FAM13A: variants seen among roughly 807,000 people sequenced by gnomAD.
The protein encoded by FAM13A is protein FAM13A.
A neutral mutation model predicts 129.6 loss-of-function variants in FAM13A; 76 were observed. The ratio of observed to expected loss-of-function variants is 0.59; its 90% CI spans 0.49 to 0.71. The LOEUF is 0.71. FAM13A is among the 30% of genes least tolerant of loss of function. The probability of loss-of-function intolerance (pLI) is 0.00; values close to 1 mark genes in which losing one functional copy is unlikely to be tolerated. For missense variants in FAM13A, 1,108 were observed against 1,249.3 expected, an observed-to-expected ratio of 0.89 and a Z score of 1.70; for synonymous variants, 443 against 449.9, an observed-to-expected ratio of 0.98 and a Z score of 0.20.
intron 9 of FAM13A, among the ~76,000 whole-genome samples, chr4:88,790,198 G>A (rs983448311): frequency 2.0e-5 from 3 of 152,078 alleles, no homozygotes; most frequent in African/African-American, 7.2e-5. Flanking sequence ...CTCAGTCAAT[G>A]TAGGTTCAGT....
At chr4:88,907,419 A>G (rs909506513) in intron 5 of FAM13A, among the ~76,000 whole-genome samples, 5 of 152,216 alleles carry the variant, frequency 3.3e-5, no homozygotes, top group African/African-American at 1.2e-4. Flanking sequence ...ACATAATTTT[A>G]GTCTGCATAC....
At chr4:88,951,882 C>G (rs1757006944) in intron 4 of FAM13A, among the ~76,000 whole-genome samples, 1 of 152,178 alleles carries the variant, frequency 6.6e-6, no homozygotes, top group Non-Finnish European at 1.5e-5. Context: ...TCCAACTCAT[C>G]TTATATTTCC....
chr4:88,999,257 A>C (rs903264054), intron 3 of FAM13A, among the ~76,000 whole-genome samples: 2 of 152,192 alleles, frequency 1.3e-5, no homozygotes, highest in Non-Finnish European at 2.9e-5. Flanking sequence ...TTTATTGGGT[A>C]CTGAATGCTT....
intron 6 of FAM13A, among the ~76,000 whole-genome samples, chr4:88,872,499 A>C (rs944901175): frequency 3.3e-5 from 5 of 152,210 alleles, no homozygotes; most frequent in Admixed American, 6.5e-5. Context: ...AGTCTCTGAT[A>C]AAACAGACTT....
chr4:88,805,988 T>C (rs768737464), intron 7 of FAM13A, among the ~76,000 whole-genome samples: 1 of 152,148 alleles, frequency 6.6e-6, no homozygotes, highest in Non-Finnish European at 1.5e-5. Flanking sequence ...ATTTTTAAAA[T>C]GTAACATATA....
chr4:89,032,905 T>C (rs1000024704), intron 1 of FAM13A, among the ~76,000 whole-genome samples: 6 of 152,198 alleles, frequency 3.9e-5, no homozygotes, highest in African/African-American at 9.6e-5. Flanking sequence ...GAGTGGCTTA[T>C]CATAAAGACA....
At chr4:89,021,592 G>C (rs1218951786) in intron 2 of FAM13A, among the ~76,000 whole-genome samples, 1 of 152,156 alleles carries the variant, frequency 6.6e-6, no homozygotes, top group East Asian at 1.9e-4. Flanking sequence ...ACAGGAAAGG[G>C]TCTGTGACAA....
intron 4 of FAM13A, among the ~76,000 whole-genome samples, chr4:88,945,990 G>GTGTGTGTGTGCATATATATATA: frequency 1.6e-5 from 1 of 61,966 alleles, no homozygotes; most frequent in Non-Finnish European, 2.9e-5. Context: ...GTGTGTGTGT[G>GTGTGTGTGTGCATATATATATA]TATATATATA....
chr4:88,823,129 G>A, intron 7 of FAM13A: 2 of 1,510,064 alleles, frequency 1.3e-6, no homozygotes, highest in Non-Finnish European at 1.8e-6. Context: ...TGCACCGCAC[G>A]GCTGGAGAAA....
chr4:88,837,739 A>AGG (rs1735079105), intron 7 of FAM13A, among the ~76,000 whole-genome samples: 2 of 142,114 alleles, frequency 1.4e-5, no homozygotes, highest in African/African-American at 2.7e-5. Context: ...AAAAAAAAAA[A>AGG]GCAAAACAAA....
intron 4 of FAM13A, among the ~76,000 whole-genome samples, chr4:88,988,405 A>T (rs547354381): frequency 3.9e-5 from 6 of 152,338 alleles, no homozygotes; most frequent in African/African-American, 1.4e-4. Context: ...CCATTTTCTT[A>T]GGCATAATAA....
At chr4:88,865,035 C>A (rs1010204182) in intron 6 of FAM13A, among the ~76,000 whole-genome samples, 1 of 151,680 alleles carries the variant, frequency 6.6e-6, no homozygotes, top group African/African-American at 2.4e-5. Context: ...AAAGTATCTG[C>A]GAAAAAATGT....
chr4:88,992,512 G>A (rs965598925), intron 3 of FAM13A, among the ~76,000 whole-genome samples: 4 of 152,006 alleles, frequency 2.6e-5, no homozygotes, highest in African/African-American at 4.8e-5. Flanking sequence ...TGGAATTACA[G>A]GCGTGACCCA....
chr4:88,769,550 AATG>A (rs1720194479), intron 11 of FAM13A, among the ~76,000 whole-genome samples: 1 of 152,066 alleles, frequency 6.6e-6, no homozygotes, highest in South Asian at 2.1e-4. Flanking sequence ...GTACTAGAAT[AATG>A]ATGGGCGTGG....
intron 6 of FAM13A, among the ~76,000 whole-genome samples, chr4:88,898,374 C>A (rs1403043022): frequency 6.6e-6 from 1 of 151,920 alleles, no homozygotes; most frequent in Non-Finnish European, 1.5e-5. Flanking sequence ...TTGAATTTAT[C>A]ATCTGTAAGT....
chr4:88,985,516 C>T (rs527344169), intron 4 of FAM13A, among the ~76,000 whole-genome samples: 34 of 152,266 alleles, frequency 2.2e-4, no homozygotes, highest in South Asian at 8.3e-4. Context: ...TCACATCTGA[C>T]CTATCAGACT....
chr4:88,745,119 C>T, intron 19 of FAM13A, among the ~76,000 whole-genome samples: 1 of 152,186 alleles, frequency 6.6e-6, no homozygotes, highest in East Asian at 1.9e-4. Flanking sequence ...CCCCACCCCA[C>T]TTCCTCAGTG....
intron 5 of FAM13A, among the ~76,000 whole-genome samples, chr4:88,935,840 C>A (rs937031768): frequency 6.6e-6 from 1 of 152,126 alleles, no homozygotes; most frequent in African/African-American, 2.4e-5. Flanking sequence ...TCTATTTCAT[C>A]CTTACTCGTT....
intron 1 of FAM13A, among the ~76,000 whole-genome samples, chr4:89,040,683 G>C (rs1455610444): frequency 2.0e-5 from 3 of 152,318 alleles, no homozygotes; most frequent in South Asian, 2.1e-4. Context: ...CTTTGGAAAA[G>C]AGCAAACCCA....
Sources: allele counts gnomAD v4.1 joint callset (sites outside exome capture counted in the v4.1 genomes callset), GRCh38; gene constraint gnomAD v4.1.1; transcripts MANE v1.5; gene names NCBI Gene and HGNC (gene_info 2026-07-23, HGNC 2026-07-21).